KREMEN1: variants seen among roughly 807,000 people sequenced by gnomAD.
KREMEN1 encodes kringle containing transmembrane protein 1, also known as kremen protein 1.
In KREMEN1, 30 loss-of-function variants were observed where a neutral mutation model predicts 46.5. The ratio of observed to expected loss-of-function variants is 0.65; its 90% CI spans 0.48 to 0.88. KREMEN1 has a LOEUF of 0.88. Among genes scored for constraint, KREMEN1 ranks in the 40% least tolerant of loss-of-function variants. The probability of loss-of-function intolerance (pLI) is 0.00; values close to 1 mark genes in which losing one functional copy is unlikely to be tolerated. For synonymous variants in KREMEN1, 214 were observed against 230.6 expected (o/e 0.93, Z 0.65); for missense variants, 533 against 596.9 (o/e 0.89, Z 1.11).
intron 8 of KREMEN1, among the ~76,000 whole-genome samples, chr22:29,141,673 A>G (rs1042931750): frequency 6.6e-6 from 1 of 152,230 alleles, no homozygotes; most frequent in Non-Finnish European, 1.5e-5. Flanking sequence ...ATAATCTCTC[A>G]GGCTGGGCTT....
At chr22:29,128,927 C>G (rs1410557821) in intron 5 of KREMEN1, among the ~76,000 whole-genome samples, 1 of 152,210 alleles carries the variant, frequency 6.6e-6, no homozygotes, top group Non-Finnish European at 1.5e-5. Context: ...CAGTTTTATG[C>G]TTTAAAGTTA....
exon 10 of KREMEN1, chr22:29,167,187 C>A (rs1305231228): frequency 1.7e-6 from 2 of 1,142,928 alleles, no homozygotes; most frequent in Non-Finnish European, 2.6e-6. Context: ...TGCCTCTCCT[C>A]GCACAGAAAT....
At chr22:29,098,441 G>A (rs1033118396) in intron 2 of KREMEN1, among the ~76,000 whole-genome samples, 6 of 152,094 alleles carry the variant, frequency 3.9e-5, no homozygotes, top group African/African-American at 1.4e-4. Flanking sequence ...AGGGCCTTTG[G>A]CTCTAATTCC....
In KREMEN1 at chr22:29,145,730, C is replaced by T; in HGVS notation, c.*3618C>T. On this transcript the variant is annotated 3_prime_UTR_variant, in exon 9 of 9. Coordinates refer to ENST00000400335, the MANE Select transcript of KREMEN1 (RefSeq NM_001039570.3). ...GCCCTGTCCCCCACGTCAGGACAGG[C>T]TTGAGGCCTCTCTGGGCGTGAGCGA... 5.1e-6 allele frequency: 5 copies of T among 985,540 alleles called. No homozygotes were observed. The highest frequency in any genetic ancestry group is 6.0e-6 in the Non-Finnish European group (5 of 829,978). 61.0% of individuals were successfully genotyped at this position (985,540 alleles called of 1,614,324 possible).
At chr22:29,125,097 G>A (rs563587521) in intron 4 of KREMEN1, 166 bp from the exon 5 acceptor site, 8 of 690,216 alleles carry the variant, frequency 1.2e-5, no homozygotes, top group South Asian at 8.9e-5. Flanking sequence ...TTATTGTTCA[G>A]CTTGAAATTA....
rs2037495289 is a variant in KREMEN1, at chr22:29,073,111, G to C, written c.-20G>C. The C allele has an allele frequency of 2.1e-6, 2 of 944,792 alleles. No homozygotes were observed. The highest frequency in any genetic ancestry group is 2.5e-6 in the Non-Finnish European group (2 of 788,322). The allele number at this position is 944,792 out of a possible 1,614,324, so 58.5% of individuals were successfully genotyped here. ...CCCCTTTACCCCGGGCCGCGCCCCG[G>C]GGCCCCGCACTGACGGCCCATGGCG... On this transcript the variant is annotated 5_prime_UTR_variant, in exon 1 of 9. Transcript: ENST00000400335. The surrounding 1 kb of genome is among the most constrained non-coding windows in gnomAD (Gnocchi z 4.4).
At chr22:29,075,664 CCTACTCA>C (rs2123917538) in intron 1 of KREMEN1, among the ~76,000 whole-genome samples, 1 of 152,218 alleles carries the variant, frequency 6.6e-6, no homozygotes, top group African/African-American at 2.4e-5. Flanking sequence ...CTGTCTAGAT[CCTACTCA>C]CTAGCTTTTA....
At position 29,143,228 on chromosome 22, in the gene KREMEN1, G is replaced by C. The variant is rs958458000; in HGVS notation, c.*1116G>C. On this transcript the variant is annotated 3_prime_UTR_variant, in exon 9 of 9. Coordinates refer to ENST00000400335, the MANE Select transcript of KREMEN1 (RefSeq NM_001039570.3). ...TAAATTCTCCTGCAAGCTTTTATGG[G>C]CACTCAGTAAGTACTCAGGATTGGC... is the stretch of plus-strand genomic sequence containing the variant. 1.0e-6 allele frequency: 1 copy of C among 985,282 alleles called. No individual in the cohort carries two copies. The highest frequency in any genetic ancestry group is 6.2e-5 in the Admixed American group (1 of 16,248). The allele number at this position is 985,282 out of a possible 1,614,324, so 61.0% of individuals were successfully genotyped here. A position where few individuals can be genotyped will look rare whatever the true frequency, so the allele number is the denominator to read the frequency against.
At chr22:29,080,954 T>C (rs1425062440) in intron 1 of KREMEN1, among the ~76,000 whole-genome samples, 2 of 151,006 alleles carry the variant, frequency 1.3e-5, no homozygotes, top group African/African-American at 4.9e-5. Flanking sequence ...TTTTTTTTTT[T>C]TTTTTTTTAG....
chr22:29,137,009 G>T (rs192678654), intron 5 of KREMEN1, among the ~76,000 whole-genome samples: 1 of 152,304 alleles, frequency 6.6e-6, no homozygotes, highest in East Asian at 1.9e-4. Flanking sequence ...CCTTGAAACT[G>T]AGAGAAGCAA....
chr22:29,092,398 TAGAC>T (rs1354110639), intron 1 of KREMEN1, among the ~76,000 whole-genome samples: 24 of 152,280 alleles, frequency 1.6e-4, no homozygotes, highest in Non-Finnish European at 2.5e-4. Context: ...GTGAAGCACT[TAGAC>T]AGAGTTTGGC....
rs542981800 is a variant in KREMEN1 at position 29,140,935 on chromosome 22, T to A, written c.1208+569T>A. Among the ~76,000 whole-genome samples, 127 of 152,328 alleles carry A rather than the reference T, an allele frequency of 8.3e-4. 4 individuals are homozygous for A. In the South Asian group the frequency reaches 0.026, roughly 31 times the overall value. ...GGGGCAATTGTTCATGCTACTAATG[T>A]TTGTGTACTTAGAGGGGAGCTCGTT... On this transcript the variant is annotated intron_variant, in intron 8 of 8. Coordinates refer to ENST00000400335, the MANE Select transcript of KREMEN1 (RefSeq NM_001039570.3).
intron 1 of KREMEN1, among the ~76,000 whole-genome samples, chr22:29,085,705 T>C (rs181082223): frequency 6.6e-6 from 1 of 152,300 alleles, no homozygotes; most frequent in Admixed American, 6.5e-5. Context: ...CCGGGCACAA[T>C]AGCTCTTGCC....
chr22:29,128,391 T>A (rs1414246389), intron 5 of KREMEN1, among the ~76,000 whole-genome samples: 1 of 152,166 alleles, frequency 6.6e-6, no homozygotes, highest in Non-Finnish European at 1.5e-5. Flanking sequence ...GGATTTTAGA[T>A]CAAGAAGAAA....
chr22:29,124,506 T>TC (rs2038409347), intron 4 of KREMEN1, among the ~76,000 whole-genome samples: 2 of 151,578 alleles, frequency 1.3e-5, no homozygotes, highest in Non-Finnish European at 2.9e-5. Flanking sequence ...TTTTTTTTTT[T>TC]CTTTGAGACA....
At position 29,138,764 on chromosome 22, in the gene KREMEN1, C is replaced by G; in HGVS notation, c.1105C>G (p.Pro369Ala). The change falls in exon 7 of 9, where the codon CCA becomes GCA. Residue 369 changes from proline (P) to alanine (A), a missense_variant. By Grantham distance (27) the Pro-to-Ala change is conservative (BLOSUM62 -1). Coordinates refer to ENST00000400335, the MANE Select transcript of KREMEN1 (RefSeq NM_001039570.3). ...LYVITTSPSH[P>A]PQTVPGWTVY... ...TGTCATCACCACCAGCCCCAGCCACCCACCTCAGACTGTCCCAGGTAGCAA... is the reference window on the plus strand; with the variant it reads ...TGTCATCACCACCAGCCCCAGCCACGCACCTCAGACTGTCCCAGGTAGCAA... 1.2e-6 allele frequency: 2 copies of G among 1,614,208 alleles called. No individual in the cohort carries two copies. The highest frequency in any genetic ancestry group is 2.7e-5 in the African/African-American group (2 of 75,056).
At chr22:29,124,456 G>C (rs540059986) in intron 4 of KREMEN1, among the ~76,000 whole-genome samples, 12 of 151,572 alleles carry the variant, frequency 7.9e-5, no homozygotes, top group Non-Finnish European at 1.6e-4. Flanking sequence ...TAATGGAGCT[G>C]TTCTGAATCC....
downstream of KREMEN1, among the ~76,000 whole-genome samples, chr22:29,150,677 A>G (rs76823574): frequency 5.4e-4 from 83 of 152,316 alleles, 1 homozygote; most frequent in East Asian, 0.015. Flanking sequence ...AGGGGTATTC[A>G]GACCTCAAAT....
At chr22:29,132,751 T>C (rs1385995172) in intron 5 of KREMEN1, among the ~76,000 whole-genome samples, 1 of 152,248 alleles carries the variant, frequency 6.6e-6, no homozygotes, top group Non-Finnish European at 1.5e-5. Context: ...TCAGCTATTG[T>C]TCGAAAAAGC....
Sources: gnomAD v4.1 joint callset for allele counts (sites outside exome capture counted in the v4.1 genomes callset) on GRCh38, gnomAD v4.1.1 for gene constraint, Gnocchi (gnomAD v3.1) non-coding constraint, MANE v1.5 for transcripts, NCBI Gene and HGNC (gene_info 2026-07-23, HGNC 2026-07-21) for gene names.